PPM1B: variants seen among roughly 807,000 people sequenced by gnomAD.
The protein encoded by PPM1B is protein phosphatase 1B.
A neutral mutation model predicts 43.0 loss-of-function variants in PPM1B; 22 were observed. The observed-to-expected ratio is 0.51, with a 90% confidence interval of 0.37 to 0.73. The LOEUF is 0.73. Ranked by LOEUF, PPM1B falls within the 30% of genes least tolerant of loss-of-function variation. The pLI, the probability that PPM1B is intolerant of heterozygous loss-of-function variation, is 0.00. For missense variants in PPM1B, 632 were observed against 584.2 expected, an observed-to-expected ratio of 1.08 and a Z score of -0.84; for synonymous variants, 217 against 197.9, an observed-to-expected ratio of 1.10 and a Z score of -0.81.
intron 5 of PPM1B, chr2:44,230,068 T>C: frequency 1.3e-6 from 2 of 1,547,060 alleles, no homozygotes; most frequent in South Asian, 1.2e-5. Flanking sequence ...TGATTTTCTT[T>C]TGTACTAAAT....
intron 1 of PPM1B, among the ~76,000 whole-genome samples, chr2:44,195,892 C>G (rs1668639331): frequency 6.6e-6 from 1 of 152,100 alleles, no homozygotes; most frequent in African/African-American, 2.4e-5. Context: ...TGTTGAAATC[C>G]TCAAACTGGA....
intron 3 of PPM1B, 135 bp downstream of exon 3, chr2:44,209,462 T>C: frequency 9.9e-6 from 9 of 912,058 alleles, no homozygotes; most frequent in South Asian, 1.9e-5. Context: ...AGGGAAAGTA[T>C]TCTTTTTGTT....
At chr2:44,217,664 A>G (rs778911181) in intron 3 of PPM1B, among the ~76,000 whole-genome samples, 1 of 152,224 alleles carries the variant, frequency 6.6e-6, no homozygotes, top group Non-Finnish European at 1.5e-5. Flanking sequence ...TGGCTACACC[A>G]AAGTTTTTAA....
chr2:44,213,162 T>A (rs940942248), intron 3 of PPM1B, among the ~76,000 whole-genome samples: 2 of 150,938 alleles, frequency 1.3e-5, no homozygotes, highest in African/African-American at 4.9e-5. Flanking sequence ...TATCATAATC[T>A]TAATATAACC....
chr2:44,204,858 CAAAAAAAAAAAA>C lies in PPM1B; in HGVS notation c.846+2828_846+2839del, dbSNP rs368660082. Among the ~76,000 whole-genome samples, 7 of 36,686 alleles carry C rather than the reference CAAAAAAAAAAAA, an allele frequency of 1.9e-4. No individual in the cohort carries two copies. In the South Asian group the frequency reaches 7.8e-3, roughly 41 times the overall value. The allele number at this position is 36,686 out of a possible 152,430, so 24.1% of individuals were successfully genotyped here. A position where few individuals can be genotyped will look rare whatever the true frequency, so the allele number is the denominator to read the frequency against. On this transcript the variant is annotated intron_variant, in intron 2 of 5. Transcript: ENST00000282412. ...TGGGTGACAGAGCGAGACTCCGTCT[CAAAAAAAAAAAA>C]AAAAAAAAAAAAAAGATAAGCATTT...
intron 3 of PPM1B, among the ~76,000 whole-genome samples, chr2:44,215,936 A>G (rs1558420894): frequency 2.0e-5 from 3 of 152,202 alleles, no homozygotes; most frequent in South Asian, 4.1e-4. Flanking sequence ...ATTCCAGGCA[A>G]TGACAACAGC....
intron 3 of PPM1B, among the ~76,000 whole-genome samples, chr2:44,212,451 T>G (rs1469996331): frequency 6.6e-6 from 1 of 152,162 alleles, no homozygotes. Flanking sequence ...CTGGATCAAT[T>G]TGTGGCCACT....
chr2:44,214,707 T>C (rs1669640931), intron 3 of PPM1B, among the ~76,000 whole-genome samples: 1 of 152,064 alleles, frequency 6.6e-6, no homozygotes, highest in South Asian at 2.1e-4. Context: ...AGTGGTCCTA[T>C]ATCAAGTGTG....
At chr2:44,183,555 T>G (rs1176464275) in intron 1 of PPM1B, among the ~76,000 whole-genome samples, 1 of 152,142 alleles carries the variant, frequency 6.6e-6, no homozygotes, top group Non-Finnish European at 1.5e-5. Flanking sequence ...AAGGCCTGCC[T>G]CCTCATCACC....
chr2:44,171,798 C>T (rs564615999), intron 1 of PPM1B, among the ~76,000 whole-genome samples: 13 of 138,570 alleles, frequency 9.4e-5, no homozygotes, highest in Non-Finnish European at 1.5e-4. Context: ...CCACTGCACT[C>T]TAGCCTGGGT....
chr2:44,201,892 A>G lies in PPM1B; in HGVS notation c.693A>G (p.Arg231=). The change falls in exon 2 of 6, where the codon AGA becomes AGG. Residue 231 remains arginine, a synonymous_variant. Coordinates refer to ENST00000282412, the MANE Select transcript of PPM1B (RefSeq NM_002706.6). The surrounding 1 kb of genome is among the most constrained non-coding windows in gnomAD (Gnocchi z 5.4). ...AGCCTGAGGTTTATGAAATTTTAAG[A>G]GCAGAAGAGGATGAATTTATCATCT... The part of the protein sequence containing the change: ...SPEPEVYEIL[R]AEEDEFIILA... 1 of 1,614,198 alleles carries G rather than the reference A, an allele frequency of 6.2e-7. No homozygotes were observed. The highest frequency in any genetic ancestry group is 8.5e-7 in the Non-Finnish European group (1 of 1,180,018).
intron 1 of PPM1B, among the ~76,000 whole-genome samples, chr2:44,188,500 G>T (rs1293104150): frequency 6.7e-6 from 1 of 149,556 alleles, no homozygotes; most frequent in Non-Finnish European, 1.5e-5. Context: ...GGCTTAAGCA[G>T]TCCACCCATC....
At chr2:44,230,298 C>T (rs1670411947) in intron 5 of PPM1B, 115 bp from the exon 6 acceptor site, 34 of 1,511,018 alleles carry the variant, frequency 2.3e-5, no homozygotes, top group Non-Finnish European at 3.0e-5. Flanking sequence ...TGTTCTCATG[C>T]TTAGACTATA....
intron 2 of PPM1B, among the ~76,000 whole-genome samples, chr2:44,204,351 T>C (rs920426472): frequency 1.3e-5 from 2 of 152,204 alleles, no homozygotes; most frequent in African/African-American, 4.8e-5. Flanking sequence ...ACTTAGCGAT[T>C]GCACAGTAGT....
intron 1 of PPM1B, among the ~76,000 whole-genome samples, chr2:44,173,200 A>G (rs1396689018): frequency 6.6e-6 from 1 of 152,184 alleles, no homozygotes; most frequent in Admixed American, 6.5e-5. Context: ...AACAGACCAG[A>G]TACTGGAATC....
At chr2:44,225,969 A>T (rs1187937456) in intron 5 of PPM1B, among the ~76,000 whole-genome samples, 3 of 142,634 alleles carry the variant, frequency 2.1e-5, no homozygotes, top group African/African-American at 7.9e-5. Context: ...GTTTGGTTTT[A>T]GTATGTCTTT....
intron 2 of PPM1B, among the ~76,000 whole-genome samples, chr2:44,206,001 G>A (rs1669173334): frequency 6.6e-6 from 1 of 152,182 alleles, no homozygotes; most frequent in Admixed American, 6.5e-5. Context: ...GGGCGACAGA[G>A]TGAGACTCCG....
chr2:44,245,292 A>G (rs1670835632), downstream of PPM1B, among the ~76,000 whole-genome samples: 1 of 150,750 alleles, frequency 6.6e-6, no homozygotes, highest in African/African-American at 2.4e-5. Context: ...CTATATAGTT[A>G]TAAAATCTCA....
intron 2 of PPM1B, among the ~76,000 whole-genome samples, chr2:44,203,586 G>A (rs1669038721): frequency 6.6e-6 from 1 of 152,054 alleles, no homozygotes; most frequent in Non-Finnish European, 1.5e-5. Flanking sequence ...CATTGTTGTG[G>A]TGTATATTGT....
Sources: allele counts gnomAD v4.1 joint callset (sites outside exome capture counted in the v4.1 genomes callset), GRCh38; gene constraint gnomAD v4.1.1; non-coding constraint Gnocchi (gnomAD v3.1); transcripts MANE v1.5; gene names NCBI Gene and HGNC (gene_info 2026-07-23, HGNC 2026-07-21).